PDZD2: variants seen among roughly 807,000 people sequenced by gnomAD.
The protein encoded by PDZD2 is PDZ domain-containing protein 2.
PDZD2 carries 90 observed loss-of-function variants against 220.7 expected under a neutral mutation model. The ratio of observed to expected loss-of-function variants is 0.41; its 90% CI spans 0.34 to 0.49. PDZD2 has a LOEUF of 0.49. Ranked by LOEUF, PDZD2 falls within the 20% of genes least tolerant of loss-of-function variation. PDZD2 has a pLI of 0.28. For synonymous variants in PDZD2, 1,375 were observed against 1,450.5 expected (o/e 0.95, Z 1.18); for missense variants, 3,174 against 3,608.5 (o/e 0.88, Z 3.08).
At chr5:31,811,467 T>A (rs1001714931) in intron 2 of PDZD2, among the ~76,000 whole-genome samples, 20 of 152,196 alleles carry the variant, frequency 1.3e-4, no homozygotes, top group African/African-American at 4.8e-4. Context: ...TTGCAATGTC[T>A]CTTTGACTTA....
intron 5 of PDZD2, among the ~76,000 whole-genome samples, chr5:32,003,324 C>T (rs1752477170): frequency 3.4e-5 from 2 of 58,344 alleles, no homozygotes; most frequent in African/African-American, 1.4e-4. Flanking sequence ...ACCCCACACA[C>T]ACACCCCCAC....
chr5:31,883,801 T>C (rs1462262528), intron 2 of PDZD2, among the ~76,000 whole-genome samples: 1 of 152,032 alleles, frequency 6.6e-6, no homozygotes, highest in South Asian at 2.1e-4. Context: ...GAGGTTTCGC[T>C]GTGTTGGCCA....
At chr5:32,026,886 CT>C in intron 6 of PDZD2, among the ~76,000 whole-genome samples, 1 of 152,130 alleles carries the variant, frequency 6.6e-6, no homozygotes. Context: ...CTGTTGTTTC[CT>C]TTTTTTGTTG....
rs1052021714 is a variant in PDZD2 at position 31,868,309 on chromosome 5, C to T, written c.476+68585C>T. 1.8e-4 allele frequency among the ~76,000 whole-genome samples: 28 copies of T among 152,088 alleles called. 1 individual carries two copies. The highest frequency in any genetic ancestry group is 4.6e-4 in the African/African-American group (19 of 41,418). ...AAACTACAAAAATTAGCTGGGTGTGCTGGCGTGTGCCTTTAATCTCAGCTA... is the reference window on the plus strand; with the variant it reads ...AAACTACAAAAATTAGCTGGGTGTGTTGGCGTGTGCCTTTAATCTCAGCTA... On this transcript the variant is annotated intron_variant, in intron 2 of 24. Transcript: ENST00000438447.
intron 1 of PDZD2, among the ~76,000 whole-genome samples, chr5:31,784,456 TC>T (rs1380262082): frequency 6.6e-6 from 1 of 152,188 alleles, no homozygotes; most frequent in Non-Finnish European, 1.5e-5. Context: ...ATCACAGTGA[TC>T]TTGTGGAGGA....
At chr5:31,864,995 C>T (rs1738077719) in intron 2 of PDZD2, among the ~76,000 whole-genome samples, 1 of 149,540 alleles carries the variant, frequency 6.7e-6, no homozygotes, top group East Asian at 2.0e-4. Context: ...ACTACAGGCG[C>T]CCGCCACCAC....
chr5:31,996,060 A>G (rs946893015), intron 4 of PDZD2, among the ~76,000 whole-genome samples: 4 of 152,158 alleles, frequency 2.6e-5, no homozygotes, highest in Non-Finnish European at 5.9e-5. Flanking sequence ...TGAGTAGAAC[A>G]CCGCATTCCT....
intron 14 of PDZD2, among the ~76,000 whole-genome samples, chr5:32,067,230 T>G (rs1316467944): frequency 6.6e-6 from 1 of 152,190 alleles, no homozygotes; most frequent in Non-Finnish European, 1.5e-5. Context: ...GCCTTCCAGG[T>G]CTAGTCAGGC....
rs1742689869 is a variant in PDZD2 at position 32,088,068 on chromosome 5, G to C, written c.4620G>C (p.Leu1540=). The C allele has an allele frequency of 3.1e-6, 5 of 1,614,122 alleles. No homozygotes were observed. In the Admixed American group the frequency reaches 8.3e-5, roughly 27 times the overall value. Residue 1540 remains leucine (L), a synonymous_variant, in exon 20 of 25, where the codon CTG becomes CTC. Transcript: ENST00000438447. The surrounding 1 kb of genome is among the most constrained non-coding windows in gnomAD (Gnocchi z 4.6). ...FHEDSTSLSG[L]GDSTEPSLSS... is the part of the protein sequence containing the mutation. ...AAGACAGCACCTCCCTATCAGGCCTGGGTGACAGCACGGAGCCGTCTCTGT... is the reference window on the plus strand; with the variant it reads ...AAGACAGCACCTCCCTATCAGGCCTCGGTGACAGCACGGAGCCGTCTCTGT...
At chr5:31,799,993 C>T (rs971744704) in intron 2 of PDZD2, among the ~76,000 whole-genome samples, 1 of 152,014 alleles carries the variant, frequency 6.6e-6, no homozygotes, top group African/African-American at 2.4e-5. Flanking sequence ...GTCCAGAAGC[C>T]CCACCCTGGA....
chr5:31,723,418 A>G (rs1748920650), intron 1 of PDZD2, among the ~76,000 whole-genome samples: 1 of 152,088 alleles, frequency 6.6e-6, no homozygotes, highest in African/African-American at 2.4e-5. Context: ...GAGAAATACT[A>G]GAAATTATCA....
At chr5:31,977,068 G>A (rs928443723) in intron 2 of PDZD2, among the ~76,000 whole-genome samples, 2 of 150,996 alleles carry the variant, frequency 1.3e-5, no homozygotes, top group African/African-American at 4.9e-5. Context: ...ATGTTGCCCA[G>A]GCTGGTCTTG....
chr5:31,714,927 T>C (rs986182672), intron 1 of PDZD2, among the ~76,000 whole-genome samples: 1 of 151,468 alleles, frequency 6.6e-6, no homozygotes, highest in Admixed American at 6.6e-5. Flanking sequence ...GGAGTGGTGG[T>C]GGGCGCCTGT....
chr5:31,912,491 A>T (rs1052445007), intron 2 of PDZD2, among the ~76,000 whole-genome samples: 2 of 152,216 alleles, frequency 1.3e-5, no homozygotes, highest in Non-Finnish European at 2.9e-5. Context: ...GATTCAGACC[A>T]TAGCAGATGG....
At chr5:31,717,228 A>G (rs1748507758) in intron 1 of PDZD2, among the ~76,000 whole-genome samples, 1 of 152,030 alleles carries the variant, frequency 6.6e-6, no homozygotes, top group Admixed American at 6.6e-5. Context: ...GTGGTATTGG[A>G]GCTAGTCCTG....
chr5:31,960,003 C>T (rs1748066524), intron 2 of PDZD2, among the ~76,000 whole-genome samples: 2 of 152,246 alleles, frequency 1.3e-5, no homozygotes, highest in East Asian at 3.9e-4. Flanking sequence ...CTTATCAAGA[C>T]ACACTCATTG....
At chr5:31,946,620 C>T (rs569672336) in intron 2 of PDZD2, among the ~76,000 whole-genome samples, 1 of 152,270 alleles carries the variant, frequency 6.6e-6, no homozygotes, top group African/African-American at 2.4e-5. Context: ...AAATCTTTAC[C>T]GAACAACTGT....
At chr5:32,053,940 G>C in intron 10 of PDZD2, 57 bp downstream of exon 10, 1 of 993,876 alleles carries the variant, frequency 1.0e-6, no homozygotes, top group Non-Finnish European at 1.6e-6. Context: ...ATGAGAATCT[G>C]CCTCTTCACA....
chr5:32,073,763 T>C (rs1202085046), intron 17 of PDZD2, 69 bp from the exon 18 acceptor site: 2 of 935,716 alleles, frequency 2.1e-6, no homozygotes, highest in African/African-American at 1.7e-5. Flanking sequence ...AATGATGGGG[T>C]CAGATGATAA....
Sources: gnomAD v4.1 joint callset for allele counts (sites outside exome capture counted in the v4.1 genomes callset) on GRCh38, gnomAD v4.1.1 for gene constraint, Gnocchi (gnomAD v3.1) non-coding constraint, MANE v1.5 for transcripts, NCBI Gene and HGNC (gene_info 2026-07-23, HGNC 2026-07-21) for gene names.